LNPEP: variants seen among roughly 807,000 people sequenced by gnomAD.
LNPEP encodes leucyl-cystinyl aminopeptidase.
Under a neutral mutation model 120.6 loss-of-function variants are expected in LNPEP, and 64 were observed. The observed-to-expected ratio is 0.53, with a 90% CI of 0.43 to 0.65. The LOEUF is 0.65. Among genes scored for constraint, LNPEP ranks in the 30% least tolerant of loss-of-function variants. LNPEP has a pLI of 0.00. For missense variants in LNPEP, 1,057 were observed against 1,200.0 expected, an observed-to-expected ratio of 0.88 and a Z score of 1.76; for synonymous variants, 435 against 425.4, an observed-to-expected ratio of 1.02 and a Z score of -0.28.
chr5:96,938,230 T>C (rs1788965332), intron 1 of LNPEP, among the ~76,000 whole-genome samples: 1 of 152,252 alleles, frequency 6.6e-6, no homozygotes, highest in Admixed American at 6.5e-5. Flanking sequence ...AAATAATGCA[T>C]GTATAATGCT....
At chr5:97,014,536 C>G (rs948854338) in intron 12 of LNPEP, among the ~76,000 whole-genome samples, 3 of 149,990 alleles carry the variant, frequency 2.0e-5, no homozygotes, top group Admixed American at 2.0e-4. Flanking sequence ...AAACAAATTC[C>G]CATTAAACCA....
intron 4 of LNPEP, among the ~76,000 whole-genome samples, chr5:96,988,632 A>G (rs1248293544): frequency 6.6e-6 from 1 of 151,626 alleles, no homozygotes; most frequent in Non-Finnish European, 1.5e-5. Flanking sequence ...TTTTTTAGTG[A>G]CAGGGTCTCA....
chr5:97,013,574 C>T, intron 11 of LNPEP, 74 bp from the exon 12 acceptor site: 2 of 759,286 alleles, frequency 2.6e-6, no homozygotes, highest in Non-Finnish European at 4.0e-6. Context: ...AACTAAAAAA[C>T]AAAGCACTCA....
rs1371297962 is a variant in LNPEP at position 97,033,100 on chromosome 5, T to G, written c.*4567T>G. On this transcript the variant is annotated 3_prime_UTR_variant, in exon 18 of 18. Transcript: ENST00000231368. The stretch of plus-strand genomic sequence containing the variant: ...GTGTGGGGGAGAGTGGAGTATGTAC[T>G]TAATGTATATAAATAAACTTGCTAC... 1 of 152,188 alleles carries G rather than the reference T, an allele frequency of 6.6e-6. No individual in the cohort carries two copies. The highest frequency in any genetic ancestry group is 1.9e-4 in the East Asian group (1 of 5,200). 9.4% of individuals were successfully genotyped at this position (152,188 alleles called of 1,614,324 possible). A position where few individuals can be genotyped will look rare whatever the true frequency, so the allele number is the denominator to read the frequency against.
At chr5:96,973,212 AT>A (rs1457700955) in intron 1 of LNPEP, among the ~76,000 whole-genome samples, 2 of 151,954 alleles carry the variant, frequency 1.3e-5, no homozygotes, top group Admixed American at 1.3e-4. Context: ...ACAGGAAGAG[AT>A]TTTCTTTGAG....
chr5:96,985,323 T>A, intron 3 of LNPEP, 105 bp downstream of exon 3: 1 of 852,608 alleles, frequency 1.2e-6, no homozygotes. Context: ...ATTAAAATCA[T>A]ATACATTAAT....
rs754951262 is a variant in LNPEP, at chr5:97,027,801, C to T, written c.2933C>T (p.Thr978Ile). Residue 978 changes from threonine to isoleucine, a missense_variant, in exon 17 of 18, where the codon ACA becomes ATA. Physicochemically the swap from Thr to Ile is moderately conservative, Grantham distance 89 (BLOSUM62 -1). Coordinates refer to ENST00000231368, the MANE Select transcript of LNPEP (RefSeq NM_005575.3). ...AGSTYLFSTK[T>I]HLSEVQAFFE... is the part of the protein sequence containing the mutation. Reference sequence around the variant, plus strand: ...TCAACTTACCTGTTTTCAACAAAGACACATTTATCTGAGGTTGGTTTTATA... The same window carrying T: ...TCAACTTACCTGTTTTCAACAAAGATACATTTATCTGAGGTTGGTTTTATA... The T allele has an allele frequency of 4.4e-6, 7 of 1,602,042 alleles. 1 individual carries two copies. The East Asian group carries it at 1.6e-4, about 36-fold the overall frequency.
intron 13 of LNPEP, among the ~76,000 whole-genome samples, chr5:97,020,372 G>A (rs1331924408): frequency 6.6e-6 from 1 of 152,184 alleles, no homozygotes; most frequent in African/African-American, 2.4e-5. Context: ...TACTTGAGAT[G>A]AGATGCCACG....
At chr5:96,950,883 G>A (rs1789304270) in intron 1 of LNPEP, among the ~76,000 whole-genome samples, 1 of 152,108 alleles carries the variant, frequency 6.6e-6, no homozygotes, top group South Asian at 2.1e-4. Context: ...TAATTATATG[G>A]GAACATAGTA....
chr5:97,001,695 C>T (rs186748171), intron 8 of LNPEP, among the ~76,000 whole-genome samples: 10 of 151,778 alleles, frequency 6.6e-5, no homozygotes, highest in African/African-American at 2.4e-4. Context: ...AGAAGGATGG[C>T]CAGTGAATAG....
At chr5:97,008,905 G>A (rs949058193) in intron 11 of LNPEP, among the ~76,000 whole-genome samples, 11 of 151,906 alleles carry the variant, frequency 7.2e-5, no homozygotes, top group Non-Finnish European at 1.3e-4. Flanking sequence ...GCCCACCTCG[G>A]CCTCCCAAAG....
chr5:97,016,686 C>T (rs569327405), intron 13 of LNPEP, among the ~76,000 whole-genome samples: 50 of 152,216 alleles, frequency 3.3e-4, no homozygotes, highest in African/African-American at 1.1e-3. Context: ...GTGACTGGCC[C>T]ACATCTAGTT....
chr5:96,994,081 TC>T, intron 6 of LNPEP, 110 bp downstream of exon 6: 1 of 825,664 alleles, frequency 1.2e-6, no homozygotes. Context: ...AGCATTGCCT[TC>T]TTTTATAATA....
intron 1 of LNPEP, among the ~76,000 whole-genome samples, chr5:96,958,021 G>C (rs1229721846): frequency 6.6e-6 from 1 of 152,170 alleles, no homozygotes; most frequent in Non-Finnish European, 1.5e-5. Flanking sequence ...TGGTTTCTCT[G>C]GATAGAAATA....
At chr5:97,006,366 A>G in intron 10 of LNPEP, 61 bp from the exon 11 acceptor site, 1 of 1,249,340 alleles carries the variant, frequency 8.0e-7, no homozygotes, top group East Asian at 2.4e-5. Context: ...TAACCTTCCT[A>G]CCAAATTAAA....
At chr5:97,010,637 A>G (rs925724099) in intron 11 of LNPEP, 1 of 985,012 alleles carries the variant, frequency 1.0e-6, no homozygotes, top group Non-Finnish European at 1.2e-6. Context: ...TAGCTCATTG[A>G]CAAATGGTTT....
chr5:96,970,681 C>A (rs893236276), intron 1 of LNPEP, among the ~76,000 whole-genome samples: 5 of 151,918 alleles, frequency 3.3e-5, no homozygotes, highest in Admixed American at 1.3e-4. Flanking sequence ...AACTATGCAT[C>A]TTTTTAAAAT....
At chr5:96,943,584 TGTGGCC>T (rs1266952766) in intron 1 of LNPEP, among the ~76,000 whole-genome samples, 4 of 152,358 alleles carry the variant, frequency 2.6e-5, no homozygotes, top group African/African-American at 9.6e-5. Context: ...AGTGCGGCCC[TGTGGCC>T]AGCCTACTAT....
intron 5 of LNPEP, among the ~76,000 whole-genome samples, chr5:96,993,357 G>A (rs1253607726): frequency 6.6e-6 from 1 of 152,132 alleles, no homozygotes; most frequent in Non-Finnish European, 1.5e-5. Flanking sequence ...TGCTAAAAAG[G>A]TGCTGTATAA....
Sources: gnomAD v4.1 joint callset for allele counts (sites outside exome capture counted in the v4.1 genomes callset) on GRCh38, gnomAD v4.1.1 for gene constraint, MANE v1.5 for transcripts, NCBI Gene and HGNC (gene_info 2026-07-23, HGNC 2026-07-21) for gene names.